The following KIAA1217 variants were observed in gnomAD, a reference collection of about 807,000 sequenced individuals.
KIAA1217 encodes the protein KIAA1217.
A neutral mutation model predicts 163.9 loss-of-function variants in KIAA1217; 88 were observed. The observed-to-expected ratio is 0.54, with a 90% CI of 0.45 to 0.64. KIAA1217 has a LOEUF of 0.64. KIAA1217 is among the 30% of genes least tolerant of loss of function. The pLI is 0.00. For missense variants in KIAA1217, 2,372 were observed against 2,475.0 expected, an observed-to-expected ratio of 0.96 and a Z score of 0.88; for synonymous variants, 903 against 923.1, an observed-to-expected ratio of 0.98 and a Z score of 0.39.
intron 2 of KIAA1217, among the ~76,000 whole-genome samples, chr10:24,309,779 T>A (rs568530448): frequency 2.4e-4 from 36 of 152,268 alleles, no homozygotes; most frequent in Middle Eastern, 6.8e-3. Flanking sequence ...ATGCAGGTAA[T>A]CCATCTTGCG....
At chr10:23,812,453 A>G (rs1169592149) in intron 1 of KIAA1217, among the ~76,000 whole-genome samples, 1 of 152,126 alleles carries the variant, frequency 6.6e-6, no homozygotes, top group African/African-American at 2.4e-5. Flanking sequence ...GAATAGGGTT[A>G]ATAGATGAAA....
At chr10:24,324,143 C>G (rs1170401857) in intron 2 of KIAA1217, among the ~76,000 whole-genome samples, 1 of 151,792 alleles carries the variant, frequency 6.6e-6, no homozygotes, top group Non-Finnish European at 1.5e-5. Context: ...TAACATGTGC[C>G]TGTAGTCCCA....
At chr10:24,305,984 G>A (rs1421488385) in intron 2 of KIAA1217, among the ~76,000 whole-genome samples, 2 of 152,152 alleles carry the variant, frequency 1.3e-5, no homozygotes, top group East Asian at 3.8e-4. Context: ...TTGAGTCTCT[G>A]TGGTACCAAT....
chr10:23,750,239 A>G (rs2130831488), intron 1 of KIAA1217, among the ~76,000 whole-genome samples: 1 of 152,230 alleles, frequency 6.6e-6, no homozygotes, highest in Admixed American at 6.5e-5. Flanking sequence ...ATGCCCTTCC[A>G]TTTCTCTGCA....
intron 2 of KIAA1217, among the ~76,000 whole-genome samples, chr10:24,098,178 A>C (rs2062238224): frequency 6.6e-6 from 1 of 152,104 alleles, no homozygotes; most frequent in South Asian, 2.1e-4. Flanking sequence ...TCTTATGGAA[A>C]CAGAAAAGCT....
intron 2 of KIAA1217, among the ~76,000 whole-genome samples, chr10:24,248,487 A>G (rs1038340859): frequency 6.6e-6 from 1 of 152,012 alleles, no homozygotes; most frequent in Non-Finnish European, 1.5e-5. Context: ...CCTGGCCAAC[A>G]TGGTGAAATC....
intron 2 of KIAA1217, among the ~76,000 whole-genome samples, chr10:24,267,716 T>C (rs1030742963): frequency 1.3e-5 from 2 of 152,240 alleles, no homozygotes; most frequent in Non-Finnish European, 2.9e-5. Context: ...TTGTAGTTAA[T>C]GCTTAATATG....
chr10:24,060,935 A>G (rs1271894127), intron 2 of KIAA1217, among the ~76,000 whole-genome samples: 2 of 152,190 alleles, frequency 1.3e-5, no homozygotes, highest in South Asian at 2.1e-4. Context: ...ATTGTTCTGT[A>G]TAAGTATTTG....
intron 1 of KIAA1217, among the ~76,000 whole-genome samples, chr10:23,856,461 G>A (rs887020882): frequency 5.3e-5 from 8 of 152,204 alleles, no homozygotes; most frequent in Non-Finnish European, 1.0e-4. Flanking sequence ...GGGGGTCAGG[G>A]GTCAGGGACC....
At chr10:24,214,412 G>C (rs4550133) in intron 1 of KIAA1217, among the ~76,000 whole-genome samples, 88,584 of 151,882 alleles carry the variant, frequency 0.58, 26,122 homozygotes, top group East Asian at 0.7. Context: ...CCCCCACGGC[G>C]TTGGAGGGTT....
chr10:24,196,843 G>A (rs972133601), intron 2 of KIAA1217, among the ~76,000 whole-genome samples: 5 of 152,200 alleles, frequency 3.3e-5, no homozygotes, highest in East Asian at 1.9e-4. Context: ...GCCTCCAGCT[G>A]TTTTATGGGG....
chr10:24,313,796 T>A (rs2043008867), intron 2 of KIAA1217, among the ~76,000 whole-genome samples: 1 of 152,004 alleles, frequency 6.6e-6, no homozygotes, highest in Admixed American at 6.5e-5. Context: ...TTGGAGCTGA[T>A]TCTTGCTTTG....
intron 2 of KIAA1217, among the ~76,000 whole-genome samples, chr10:24,032,940 C>G (rs1215614878): frequency 6.6e-6 from 1 of 152,160 alleles, no homozygotes; most frequent in African/African-American, 2.4e-5. Flanking sequence ...AAACTCCAGC[C>G]TCCATCACAA....
chr10:24,379,759 T>G (rs140185389), intron 2 of KIAA1217, among the ~76,000 whole-genome samples: 28 of 151,784 alleles, frequency 1.8e-4, no homozygotes, highest in African/African-American at 6.8e-4. Context: ...TGTTCAAAAA[T>G]CATTAATAAG....
At chr10:23,832,064 T>C (rs1382114131) in intron 1 of KIAA1217, among the ~76,000 whole-genome samples, 1 of 152,168 alleles carries the variant, frequency 6.6e-6, no homozygotes, top group African/African-American at 2.4e-5. Context: ...GCTATCTACC[T>C]GGAGATAGTG....
chr10:23,969,036 G>T (rs557925769), intron 1 of KIAA1217, among the ~76,000 whole-genome samples: 55 of 151,954 alleles, frequency 3.6e-4, no homozygotes, highest in Admixed American at 1.6e-3. Flanking sequence ...TGTTTTTTTT[G>T]TTTGTTTGTT....
chr10:24,105,847 G>T (rs190382600), intron 2 of KIAA1217, among the ~76,000 whole-genome samples: 5 of 152,234 alleles, frequency 3.3e-5, no homozygotes, highest in Non-Finnish European at 7.3e-5. Flanking sequence ...GCATGCATGC[G>T]TGTGGAAACT....
Position 24,246,939 on chromosome 10 carries a change from G to A in KIAA1217, c.354+27030G>A, listed in dbSNP as rs1004548938. ...TGAGGCAGGAGAATCACTGGAACCC[G>A]ATGGCGGAGGCTGCAGTGAACGGAG... On this transcript the variant is annotated intron_variant, in intron 2 of 20. Coordinates refer to ENST00000376454, the MANE Select transcript of KIAA1217 (RefSeq NM_019590.5). Among the ~76,000 whole-genome samples, 9 of 151,690 alleles carry A rather than the reference G, an allele frequency of 5.9e-5. No individual in the cohort carries two copies. The South Asian group carries it at 1.0e-3, about 18-fold the overall frequency.
At chr10:24,470,341 G>A (rs1035908768) in intron 5 of KIAA1217, among the ~76,000 whole-genome samples, 4 of 152,206 alleles carry the variant, frequency 2.6e-5, no homozygotes, top group African/African-American at 9.6e-5. Context: ...ATCATGCAAT[G>A]ACCTTGGGAC....
Sources: gnomAD v4.1 joint callset for allele counts (sites outside exome capture counted in the v4.1 genomes callset) on GRCh38, gnomAD v4.1.1 for gene constraint, MANE v1.5 for transcripts, NCBI Gene and HGNC (gene_info 2026-07-23, HGNC 2026-07-21) for gene names.